DLGAP5: variants seen among roughly 807,000 people sequenced by gnomAD.
The protein encoded by DLGAP5 is disks large-associated protein 5.
DLGAP5 carries 90 observed loss-of-function variants against 99.6 expected under a neutral mutation model. The ratio of observed to expected loss-of-function variants is 0.90; its 90% confidence interval spans 0.76 to 1.08. DLGAP5 has a LOEUF of 1.08. Among genes scored for constraint, DLGAP5 ranks in the 50% least tolerant of loss-of-function variants. The pLI, the probability that DLGAP5 is intolerant of heterozygous loss-of-function variation, is 0.00. For synonymous variants in DLGAP5, 311 were observed against 321.3 expected (o/e 0.97, Z 0.34); for missense variants, 1,036 against 983.5 (o/e 1.05, Z -0.71).
At chr14:55,190,105 T>G (rs752186248) in intron 1 of DLGAP5, among the ~76,000 whole-genome samples, 1 of 152,100 alleles carries the variant, frequency 6.6e-6, no homozygotes, top group Non-Finnish European at 1.5e-5. Flanking sequence ...AATAACCCTA[T>G]CAGTTTGCTC....
rs1169703938 is a variant in DLGAP5, at chr14:55,165,513, G to A, written c.1549-2438C>T. On this transcript the variant is annotated intron_variant, in intron 12 of 18. Transcript: ENST00000247191. Reference sequence around the variant, plus strand: ...ACTCCAGCCTGGGTTGACAGAGCGAGACCCTGACTTAAAAAACAAAAAAAA... The same window carrying A: ...ACTCCAGCCTGGGTTGACAGAGCGAAACCCTGACTTAAAAAACAAAAAAAA... Among the ~76,000 whole-genome samples, 5 of 150,886 alleles carry A rather than the reference G, an allele frequency of 3.3e-5. No homozygotes were observed. The East Asian group carries it at 7.8e-4, about 23-fold the overall frequency.
At chr14:55,187,689 T>C (rs2139539213) in intron 2 of DLGAP5, among the ~76,000 whole-genome samples, 2 of 152,144 alleles carry the variant, frequency 1.3e-5, no homozygotes, top group Middle Eastern at 3.4e-3. Flanking sequence ...GCAGTGACTT[T>C]TCACAGGCAC....
intron 6 of DLGAP5, among the ~76,000 whole-genome samples, 171 bp downstream of exon 6, chr14:55,180,485 C>T (rs771879117): frequency 4.6e-5 from 7 of 152,182 alleles, no homozygotes; most frequent in Non-Finnish European, 1.0e-4. Flanking sequence ...TGATTGGGCA[C>T]CCATTGTGTG....
At chr14:55,165,162 T>C (rs1016755954) in intron 12 of DLGAP5, among the ~76,000 whole-genome samples, 7 of 152,104 alleles carry the variant, frequency 4.6e-5, no homozygotes, top group African/African-American at 1.2e-4. Context: ...CAGTAAAAGA[T>C]ACATGAATGG....
chr14:55,171,586 A>G (rs1211621476), intron 10 of DLGAP5, among the ~76,000 whole-genome samples: 2 of 151,858 alleles, frequency 1.3e-5, no homozygotes, highest in African/African-American at 4.9e-5. Flanking sequence ...TTAAAAATAG[A>G]CTTACCACAC....
At chr14:55,164,750 C>T (rs1193231691) in intron 12 of DLGAP5, among the ~76,000 whole-genome samples, 2 of 151,870 alleles carry the variant, frequency 1.3e-5, no homozygotes, top group Non-Finnish European at 2.9e-5. Flanking sequence ...AGTGAAACCT[C>T]ATCTCTACTA....
chr14:55,158,652 A>G lies in DLGAP5; in HGVS notation c.1743T>C (p.Asn581=), dbSNP rs138277054. ...CCTGCCTAATTCTCTCTCTCATTGC[A>G]TTTTTTATGGCAGCTAGGCGATTTC... ...AARNRLAAIK[N]AMRERIRQEE... The change falls in exon 14 of 19, where the codon AAT becomes AAC. Residue 581 remains asparagine, a synonymous_variant. Coordinates refer to ENST00000247191, the MANE Select transcript of DLGAP5 (RefSeq NM_014750.5). The G allele has an allele frequency of 3.3e-5, 53 of 1,613,972 alleles. No individual in the cohort carries two copies. In the Admixed American group the frequency reaches 4.5e-4, roughly 14 times the overall value.
chr14:55,165,011 T>C (rs116583205), intron 12 of DLGAP5, among the ~76,000 whole-genome samples: 37 of 151,442 alleles, frequency 2.4e-4, no homozygotes, highest in African/African-American at 8.3e-4. Context: ...GGATTAAAAG[T>C]CAAGCTACAA....
intron 10 of DLGAP5, among the ~76,000 whole-genome samples, chr14:55,171,111 G>A (rs979465113): frequency 6.6e-6 from 1 of 152,190 alleles, no homozygotes; most frequent in Admixed American, 6.5e-5. Context: ...ATGTGCATCA[G>A]ATTCTCAGCA....
At chr14:55,152,771 C>T (rs915139492) in intron 15 of DLGAP5, 124 bp from the exon 16 acceptor site, 4 of 734,834 alleles carry the variant, frequency 5.4e-6, no homozygotes, top group Middle Eastern at 5.3e-4. Context: ...GAGCCTGGTG[C>T]AAGATCAGGC....
chr14:55,188,815 A>C, intron 2 of DLGAP5, 127 bp downstream of exon 2: 1 of 668,198 alleles, frequency 1.5e-6, no homozygotes, highest in Non-Finnish European at 2.4e-6. Context: ...AAAAGACCAA[A>C]AAGGAAAGTT....
chr14:55,161,668 C>A (rs1882441404), intron 13 of DLGAP5, among the ~76,000 whole-genome samples: 1 of 150,918 alleles, frequency 6.6e-6, no homozygotes, highest in Non-Finnish European at 1.5e-5. Context: ...CCTCAGCCGC[C>A]CAAAGTGCTG....
intron 12 of DLGAP5, among the ~76,000 whole-genome samples, chr14:55,168,549 T>C (rs1882728312): frequency 6.7e-6 from 1 of 149,776 alleles, no homozygotes; most frequent in African/African-American, 2.6e-5. Context: ...ATTTCTAAAA[T>C]AAGTTCAAAA....
intron 12 of DLGAP5, among the ~76,000 whole-genome samples, chr14:55,168,184 C>A (rs117044971): frequency 0.048 from 7,354 of 152,208 alleles, 272 homozygotes; most frequent in Admixed American, 0.085. Context: ...AACTCCTGGG[C>A]TCAAGTGATC....
chr14:55,179,538 T>A (rs1883207409), intron 7 of DLGAP5, 91 bp downstream of exon 7: 6 of 1,090,818 alleles, frequency 5.5e-6, no homozygotes, highest in Non-Finnish European at 8.0e-6. Context: ...GTTAACCTTT[T>A]GAAGCAGTTC....
intron 13 of DLGAP5, among the ~76,000 whole-genome samples, chr14:55,161,874 CAAAAAAAAAA>C (rs34002442): frequency 1.3e-4 from 5 of 37,964 alleles, no homozygotes; most frequent in African/African-American, 3.2e-4. Context: ...AACTCTGTCT[CAAAAAAAAAA>C]AAAAAAAAAA....
chr14:55,177,281 G>C lies in DLGAP5; in HGVS notation c.830C>G (p.Ala277Gly). ...EENTLNSQTN[A>G]TSGMNPDGVL... is the part of the protein sequence containing the mutation. Reference sequence around the variant, plus strand: ...TCCATCTGGATTCATTCCACTTGTTGCATTAGTTTGTGAATTCAAAGTATT... The same window carrying C: ...TCCATCTGGATTCATTCCACTTGTTCCATTAGTTTGTGAATTCAAAGTATT... The change falls in exon 8 of 19, where the codon GCA becomes GGA. Residue 277 changes from alanine to glycine, a missense_variant. Transcript: ENST00000247191. 1 of 1,610,316 alleles carries C rather than the reference G, an allele frequency of 6.2e-7. No individual in the cohort carries two copies. Among genetic ancestry groups the C allele is most frequent in the Non-Finnish European group, 8.5e-7 (1 of 1,178,848 alleles).
chr14:55,150,421 T>TA (rs1329389768), intron 18 of DLGAP5: 1 of 159,058 alleles, frequency 6.3e-6, no homozygotes, highest in African/African-American at 2.4e-5. Context: ...AAGTAGCCAC[T>TA]AAAATAGCAG....
intron 7 of DLGAP5, among the ~76,000 whole-genome samples, chr14:55,178,754 G>A (rs1403845847): frequency 1.3e-5 from 2 of 152,020 alleles, no homozygotes; most frequent in Non-Finnish European, 2.9e-5. Flanking sequence ...TTTAAATTAA[G>A]AAATTATACT....
Sources: allele counts gnomAD v4.1 joint callset (sites outside exome capture counted in the v4.1 genomes callset), GRCh38; gene constraint gnomAD v4.1.1; transcripts MANE v1.5; gene names NCBI Gene and HGNC (gene_info 2026-07-23, HGNC 2026-07-21).